Variants in DDX19B observed in about 807,000 individuals in gnomAD.
DDX19B encodes DEAD-box helicase 19B.
Under a neutral mutation model 58.1 loss-of-function variants are expected in DDX19B, and 27 were observed. The observed-to-expected ratio is 0.46, with a 90% CI of 0.34 to 0.64. DDX19B has a LOEUF of 0.64. Ranked by LOEUF, DDX19B falls within the 30% of genes least tolerant of loss-of-function variation. DDX19B has a pLI of 0.01. For synonymous variants in DDX19B, 187 were observed against 214.4 expected (o/e 0.87, Z 1.12); for missense variants, 399 against 596.5 (o/e 0.67, Z 3.45).
chr16:70,317,207 C>CAAA (rs562635193), intron 4 of DDX19B: 26 of 54,496 alleles, frequency 4.8e-4, no homozygotes, highest in South Asian at 1.6e-3. Context: ...GACTCTGTCT[C>CAAA]AAAAAAAAAA....
chr16:70,329,171 C>G (rs542494164), intron 7 of DDX19B, 121 bp from the exon 8 acceptor site: 15 of 1,335,276 alleles, frequency 1.1e-5, no homozygotes, highest in Middle Eastern at 2.3e-4. Context: ...TGCAGTGAGT[C>G]GAGATCATGC....
chr16:70,292,587 T>A (rs982268280), upstream of DDX19B, among the ~76,000 whole-genome samples: 1 of 152,188 alleles, frequency 6.6e-6, no homozygotes, highest in Non-Finnish European at 1.5e-5. Flanking sequence ...GAATGCTATC[T>A]TAATGCAATG....
Position 70,333,813 on chromosome 16 carries a change from G to C in DDX19B, c.*231G>C, listed in dbSNP as rs113436130. The C allele has an allele frequency of 7.9e-6, 5 of 629,210 alleles. No homozygotes were observed. The highest frequency in any genetic ancestry group is 4.1e-5 in the South Asian group (2 of 48,980). The allele number at this position is 629,210 out of a possible 1,614,324, so 39.0% of individuals were successfully genotyped here. A position where few individuals can be genotyped will look rare whatever the true frequency, so the allele number is the denominator to read the frequency against. On this transcript the variant is annotated 3_prime_UTR_variant, in exon 12 of 12. Coordinates refer to ENST00000288071, the MANE Select transcript of DDX19B (RefSeq NM_007242.7). Reference sequence around the variant, plus strand: ...GGAAGATTAGGCATGAATACACAGAGATTTACCTTTTGGAAGTTTCATCTT... The same window carrying C: ...GGAAGATTAGGCATGAATACACAGACATTTACCTTTTGGAAGTTTCATCTT...
At chr16:70,327,622 C>G (rs1963240460) in intron 7 of DDX19B, among the ~76,000 whole-genome samples, 1 of 151,174 alleles carries the variant, frequency 6.6e-6, no homozygotes, top group Non-Finnish European at 1.5e-5. Flanking sequence ...GTCTAGAACT[C>G]CAAGTCTCAA....
upstream of DDX19B, among the ~76,000 whole-genome samples, chr16:70,292,780 A>T (rs1271681774): frequency 6.6e-6 from 1 of 152,136 alleles, no homozygotes; most frequent in African/African-American, 2.4e-5. Flanking sequence ...AACAGCTGTG[A>T]TTGCCCCACT....
intron 2 of DDX19B, among the ~76,000 whole-genome samples, chr16:70,314,254 G>A (rs1226871444): frequency 6.6e-6 from 1 of 152,124 alleles, no homozygotes; most frequent in Non-Finnish European, 1.5e-5. Context: ...GAGCATCAAG[G>A]TGGTTTCTGA....
At chr16:70,299,747 C>T (rs1961384743) in intron 1 of DDX19B, among the ~76,000 whole-genome samples, 1 of 152,158 alleles carries the variant, frequency 6.6e-6, no homozygotes, top group African/African-American at 2.4e-5. Context: ...GGATTACAGG[C>T]TGAGCCATTG....
At chr16:70,292,076 C>G (rs568836186), upstream of DDX19B, among the ~76,000 whole-genome samples, 18 of 152,236 alleles carry the variant, frequency 1.2e-4, no homozygotes, top group African/African-American at 3.1e-4. Context: ...ACTTGGAGCC[C>G]AGAAGCTGAA....
At chr16:70,314,696 C>CTA (rs71667182) in intron 2 of DDX19B, 18,992 of 243,470 alleles carry the variant, frequency 0.078, 2,466 homozygotes, top group African/African-American at 0.34. Flanking sequence ...AAATATCTAT[C>CTA]TATATATATA....
intron 5 of DDX19B, among the ~76,000 whole-genome samples, chr16:70,320,923 A>G (rs1410516883): frequency 6.7e-6 from 1 of 148,868 alleles, no homozygotes; most frequent in Non-Finnish European, 1.5e-5. Flanking sequence ...AAACCCCCCA[A>G]AGTGTTGGGA....
At chr16:70,311,722 C>G (rs766719852) in intron 1 of DDX19B, among the ~76,000 whole-genome samples, 12 of 152,210 alleles carry the variant, frequency 7.9e-5, no homozygotes, top group Admixed American at 2.6e-4. Flanking sequence ...ACTACAGTAT[C>G]AGACACCAGC....
chr16:70,317,381 AAAAC>A (rs1314536316), intron 4 of DDX19B, 111 bp from the exon 5 acceptor site: 21 of 766,078 alleles, frequency 2.7e-5, no homozygotes, highest in Non-Finnish European at 3.7e-5. Flanking sequence ...ACTCTGCTCA[AAAAC>A]AAACAAACAA....
chr16:70,319,205 C>T (rs1412998863), intron 5 of DDX19B, among the ~76,000 whole-genome samples: 2 of 152,046 alleles, frequency 1.3e-5, no homozygotes, highest in East Asian at 1.9e-4. Flanking sequence ...AAGTTTATAT[C>T]GTATATGCAC....
chr16:70,297,163 T>G (rs968409320), upstream of DDX19B, among the ~76,000 whole-genome samples: 1 of 152,056 alleles, frequency 6.6e-6, no homozygotes, highest in African/African-American at 2.4e-5. Context: ...ATCCACCTGC[T>G]TTGGCCTCCC....
chr16:70,291,706 G>GCA (rs1567617205), upstream of DDX19B, among the ~76,000 whole-genome samples: 8 of 152,220 alleles, frequency 5.3e-5, no homozygotes, highest in East Asian at 1.9e-4. Flanking sequence ...AGCTACTCTG[G>GCA]AGGCTGAGGC....
At chr16:70,314,138 A>G (rs1257822236) in intron 2 of DDX19B, among the ~76,000 whole-genome samples, 2 of 151,726 alleles carry the variant, frequency 1.3e-5, no homozygotes. Context: ...ATATGCATGA[A>G]TTTTTTTTGT....
chr16:70,314,525 G>T (rs1398093921), intron 2 of DDX19B, among the ~76,000 whole-genome samples: 1 of 151,958 alleles, frequency 6.6e-6, no homozygotes, highest in African/African-American at 2.4e-5. Context: ...TTAGCTGGGC[G>T]TGGTGGCGGG....
chr16:70,317,438 T>G, intron 4 of DDX19B, 58 bp from the exon 5 acceptor site: 1 of 1,336,712 alleles, frequency 7.5e-7, no homozygotes, highest in Non-Finnish European at 1.1e-6. Context: ...CCTCCAGATA[T>G]TTTGCTGCTT....
chr16:70,325,435 A>G, intron 6 of DDX19B, 139 bp from the exon 7 acceptor site: 1 of 631,654 alleles, frequency 1.6e-6, no homozygotes. Flanking sequence ...TGTAGCTTAA[A>G]GAATCAAATG....
Sources: gnomAD v4.1 joint callset for allele counts (sites outside exome capture counted in the v4.1 genomes callset) on GRCh38, gnomAD v4.1.1 for gene constraint, MANE v1.5 for transcripts, NCBI Gene and HGNC (gene_info 2026-07-23, HGNC 2026-07-21) for gene names.